The following STX8 variants were observed in gnomAD, a reference collection of about 807,000 sequenced individuals.
The protein encoded by STX8 is syntaxin-8.
In STX8, 23 loss-of-function variants were observed where a neutral mutation model predicts 37.5. The observed-to-expected ratio is 0.61, with a 90% CI of 0.44 to 0.87. STX8 has a LOEUF of 0.87. STX8 is among the 40% of genes least tolerant of loss of function. The probability of loss-of-function intolerance (pLI) is 0.00; values close to 1 mark genes in which losing one functional copy is unlikely to be tolerated. For synonymous variants in STX8, 115 were observed against 99.1 expected (o/e 1.16, Z -0.95); for missense variants, 313 against 284.7 (o/e 1.10, Z -0.71).
rs575114225 is a variant in STX8 at position 9,489,418 on chromosome 17, G to A, written c.541+2411C>T. ...ACCAGACGAAAGACAAGATAAAGAC[G>A]TGCGGCTTGATTGCCTTATGCTGGA... On this transcript the variant is annotated intron_variant, in intron 6 of 7. Transcript: ENST00000306357. Among the ~76,000 whole-genome samples, 35 of 152,264 alleles carry A rather than the reference G, an allele frequency of 2.3e-4. 1 individual carries two copies. In the South Asian group the frequency reaches 3.3e-3, roughly 14 times the overall value.
At chr17:9,312,138 C>A (rs1285449920) in intron 7 of STX8, among the ~76,000 whole-genome samples, 1 of 149,144 alleles carries the variant, frequency 6.7e-6, no homozygotes, top group South Asian at 2.2e-4. Flanking sequence ...AGCCACTGCG[C>A]CCAGCTTCGT....
chr17:9,556,505 G>A (rs113894587), intron 3 of STX8, among the ~76,000 whole-genome samples: 3,176 of 151,926 alleles, frequency 0.021, 43 homozygotes, highest in South Asian at 0.03. Context: ...GCTTTGGCAC[G>A]ATCTCGGCTC....
chr17:9,303,955 T>G (rs1908870387), intron 7 of STX8, among the ~76,000 whole-genome samples: 1 of 151,946 alleles, frequency 6.6e-6, no homozygotes, highest in Non-Finnish European at 1.5e-5. Flanking sequence ...TACCTAAAAA[T>G]TAGAAACTTT....
chr17:9,494,400 G>A (rs1387052119), intron 5 of STX8, among the ~76,000 whole-genome samples: 1 of 151,328 alleles, frequency 6.6e-6, no homozygotes, highest in Admixed American at 6.6e-5. Context: ...GGGCTGAAGC[G>A]GGCAGATCAC....
At chr17:9,292,538 G>A (rs1908350359) in intron 7 of STX8, among the ~76,000 whole-genome samples, 1 of 152,166 alleles carries the variant, frequency 6.6e-6, no homozygotes, top group Non-Finnish European at 1.5e-5. Context: ...AAATAAAGAG[G>A]AGGCACTCAT....
At chr17:9,540,951 C>T (rs1427106657) in intron 4 of STX8, among the ~76,000 whole-genome samples, 1 of 152,122 alleles carries the variant, frequency 6.6e-6, no homozygotes, top group Non-Finnish European at 1.5e-5. Context: ...CAGCCATTCA[C>T]CAACACACCA....
chr17:9,274,532 C>G (rs913539943), intron 7 of STX8, among the ~76,000 whole-genome samples: 1 of 150,794 alleles, frequency 6.6e-6, no homozygotes, highest in Non-Finnish European at 1.5e-5. Context: ...AAAAATTAAC[C>G]GGGCGTGTTG....
intron 6 of STX8, among the ~76,000 whole-genome samples, chr17:9,488,817 AGAGAGT>A (rs1906719092): frequency 1.1e-5 from 1 of 88,146 alleles, no homozygotes; most frequent in Admixed American, 1.1e-4. Context: ...AGAGAGAGAG[AGAGAGT>A]GTGTGTGTGT....
At chr17:9,571,931 A>G (rs549940752) in intron 1 of STX8, among the ~76,000 whole-genome samples, 76 of 152,194 alleles carry the variant, frequency 5.0e-4, no homozygotes, top group Admixed American at 1.7e-3. Context: ...AAAAAAAAAA[A>G]AGGTGTGGAG....
chr17:9,546,937 A>G (rs1413709892), intron 3 of STX8, among the ~76,000 whole-genome samples: 1 of 149,288 alleles, frequency 6.7e-6, no homozygotes, highest in Non-Finnish European at 1.5e-5. Context: ...AACTGTGTCT[A>G]TGTGTGTGGT....
Position 9,529,033 on chromosome 17 carries a change from G to A in STX8, c.323+16139C>T, listed in dbSNP as rs367699978. 4.6e-5 allele frequency among the ~76,000 whole-genome samples: 7 copies of A among 152,214 alleles called. No individual in the cohort carries two copies. In the South Asian group the frequency reaches 8.3e-4, roughly 18 times the overall value. The stretch of plus-strand genomic sequence containing the variant: ...TGACAAACTGGCTTACAGGGACATG[G>A]AGGGAAGAGGGAAACCGTTACAGAA... On this transcript the variant is annotated intron_variant, in intron 4 of 7. Transcript: ENST00000306357.
At chr17:9,362,040 A>C (rs2142260675) in intron 7 of STX8, among the ~76,000 whole-genome samples, 1 of 152,252 alleles carries the variant, frequency 6.6e-6, no homozygotes, top group African/African-American at 2.4e-5. Flanking sequence ...ACTTTTAAAC[A>C]TGTAACTAGG....
chr17:9,440,565 C>G (rs891890990), intron 6 of STX8, among the ~76,000 whole-genome samples: 1 of 148,496 alleles, frequency 6.7e-6, no homozygotes, highest in Non-Finnish European at 1.5e-5. Context: ...CGCTCTGTCA[C>G]CCAGGGTGGA....
At chr17:9,532,890 G>A (rs1905872399) in intron 4 of STX8, among the ~76,000 whole-genome samples, 1 of 151,884 alleles carries the variant, frequency 6.6e-6, no homozygotes. Context: ...AATATATACT[G>A]TGAAGCAAAA....
chr17:9,394,824 T>C (rs1043330288), intron 6 of STX8, among the ~76,000 whole-genome samples: 3 of 151,546 alleles, frequency 2.0e-5, no homozygotes, highest in Non-Finnish European at 4.4e-5. Flanking sequence ...TCCCAGCACT[T>C]TGGGAGGCCG....
At chr17:9,251,240 G>A (rs1567754463) in intron 7 of STX8, among the ~76,000 whole-genome samples, 1 of 152,228 alleles carries the variant, frequency 6.6e-6, no homozygotes, top group African/African-American at 2.4e-5. Flanking sequence ...CATGCTGGGT[G>A]CCACTCTGCC....
At chr17:9,431,787 C>T (rs550510074) in intron 6 of STX8, among the ~76,000 whole-genome samples, 4 of 152,264 alleles carry the variant, frequency 2.6e-5, no homozygotes, top group African/African-American at 9.6e-5. Flanking sequence ...GTGTTAAGAC[C>T]ACGAGTGCTG....
At chr17:9,518,818 G>A (rs1444413567) in intron 4 of STX8, among the ~76,000 whole-genome samples, 1 of 150,060 alleles carries the variant, frequency 6.7e-6, no homozygotes, top group Non-Finnish European at 1.5e-5. Flanking sequence ...CAGTGGAGCC[G>A]AGATCGTGCC....
At chr17:9,573,447 G>GC (rs1907764856) in intron 1 of STX8, among the ~76,000 whole-genome samples, 1 of 152,050 alleles carries the variant, frequency 6.6e-6, no homozygotes, top group African/African-American at 2.4e-5. Flanking sequence ...TGACCTGGAA[G>GC]CCCCCCACGC....
Sources: allele counts gnomAD v4.1 joint callset (sites outside exome capture counted in the v4.1 genomes callset), GRCh38; gene constraint gnomAD v4.1.1; transcripts MANE v1.5; gene names NCBI Gene and HGNC (gene_info 2026-07-23, HGNC 2026-07-21).